HK2: variants seen among roughly 807,000 people sequenced by gnomAD.
HK2 encodes hexokinase-2.
A neutral mutation model predicts 92.9 loss-of-function variants in HK2; 42 were observed. The observed-to-expected ratio is 0.45, with a 90% confidence interval of 0.35 to 0.58. The LOEUF is 0.58. Among genes scored for constraint, HK2 ranks in the 20% least tolerant of loss-of-function variants. The probability of loss-of-function intolerance (pLI) is 0.00; values close to 1 mark genes in which losing one functional copy is unlikely to be tolerated. For missense variants in HK2, 978 were observed against 1,245.1 expected, an observed-to-expected ratio of 0.79 and a Z score of 3.23; for synonymous variants, 422 against 468.0, an observed-to-expected ratio of 0.90 and a Z score of 1.27.
At chr2:74,842,421 A>G (rs1688335372) in intron 1 of HK2, among the ~76,000 whole-genome samples, 1 of 152,232 alleles carries the variant, frequency 6.6e-6, no homozygotes, top group Admixed American at 6.5e-5. Context: ...TACGAAATGC[A>G]TTTTTGACTT....
chr2:74,887,485 A>G (rs1030198119), intron 15 of HK2, among the ~76,000 whole-genome samples: 1 of 152,080 alleles, frequency 6.6e-6, no homozygotes, highest in African/African-American at 2.4e-5. Flanking sequence ...GGTTAGGTCC[A>G]AGAGAATGTA....
intron 17 of HK2, 25 bp downstream of exon 17, chr2:74,889,503 CT>C (rs1356567650): frequency 4.8e-5 from 67 of 1,398,774 alleles, no homozygotes; most frequent in Non-Finnish European, 6.1e-5. Context: ...CCAGCCCCCC[CT>C]GCCTACCTTC....
chr2:74,834,260 G>A lies in HK2; in HGVS notation c.-321G>A, dbSNP rs1688092013. ...GAGGTCCCACTGCCCGAGTGGAGCC[G>A]GGCTGAGATTCTTCTCAAGTTGAGC... On this transcript the variant is annotated 5_prime_UTR_variant, in exon 1 of 18. Coordinates refer to ENST00000290573, the MANE Select transcript of HK2 (RefSeq NM_000189.5). This position sits in a 1 kb window ranked among gnomAD's most constrained non-coding sequence, Gnocchi z 4.2. 2 of 450,358 alleles carry A rather than the reference G, an allele frequency of 4.4e-6. No individual in the cohort carries two copies. Among genetic ancestry groups the A allele is most frequent in the South Asian group, 4.1e-5 (2 of 48,594 alleles). 27.9% of individuals were successfully genotyped at this position (450,358 alleles called of 1,614,324 possible).
intron 1 of HK2, among the ~76,000 whole-genome samples, chr2:74,838,388 C>T (rs1056602624): frequency 6.6e-6 from 1 of 150,752 alleles, no homozygotes; most frequent in Admixed American, 6.6e-5. Context: ...GGGTAGTTCG[C>T]AGTTATCTCT....
At chr2:74,876,156 A>G (rs1180923734) in intron 7 of HK2, among the ~76,000 whole-genome samples, 1 of 152,044 alleles carries the variant, frequency 6.6e-6, no homozygotes, top group Admixed American at 6.5e-5. Context: ...CATCTTCACA[A>G]TTTTGCCAGC....
At chr2:74,848,745 ATAAT>A (rs1189886679) in intron 1 of HK2, among the ~76,000 whole-genome samples, 1 of 152,214 alleles carries the variant, frequency 6.6e-6, no homozygotes, top group Non-Finnish European at 1.5e-5. Context: ...CTGGATGTAA[ATAAT>A]TTGATCAAGG....
intron 1 of HK2, among the ~76,000 whole-genome samples, chr2:74,845,360 G>A (rs1322989014): frequency 6.6e-6 from 1 of 152,192 alleles, no homozygotes; most frequent in Non-Finnish European, 1.5e-5. Context: ...CTGTGCCAGG[G>A]TCACATGCAT....
Position 74,891,030 on chromosome 2 carries a change from C to T in HK2, c.*89C>T, listed in dbSNP as rs1475192903. The T allele has an allele frequency of 8.0e-6, 12 of 1,498,636 alleles. No homozygotes were observed. The Admixed American group carries it at 2.1e-4, about 26-fold the overall frequency. 92.8% of individuals were successfully genotyped at this position (1,498,636 alleles called of 1,614,324 possible). A position where few individuals can be genotyped will look rare whatever the true frequency, so the allele number is the denominator to read the frequency against. On this transcript the variant is annotated 3_prime_UTR_variant, in exon 18 of 18. Transcript: ENST00000290573. ...GTCATCCCCTTGTGTCAGAGACAGACCCCTTGGCTTTTGCTTGGCAGAGAG... is the reference window on the plus strand; with the variant it reads ...GTCATCCCCTTGTGTCAGAGACAGATCCCTTGGCTTTTGCTTGGCAGAGAG...
At position 74,891,242 on chromosome 2, in the gene HK2, C is replaced by T; in HGVS notation, c.*301C>T. On this transcript the variant is annotated 3_prime_UTR_variant, in exon 18 of 18. Coordinates refer to ENST00000290573, the MANE Select transcript of HK2 (RefSeq NM_000189.5). ...ATCCCCCTTGCCAAATTCCATGTCC[C>T]TGTATAATTCTACAGGATGGGGACA... is the stretch of plus-strand genomic sequence containing the variant. The T allele has an allele frequency of 2.5e-6, 1 of 406,286 alleles. No homozygotes were observed. The allele number at this position is 406,286 out of a possible 1,614,324, so 25.2% of individuals were successfully genotyped here.
At chr2:74,877,399 T>A in intron 8 of HK2, 78 bp downstream of exon 8, 1 of 1,526,290 alleles carries the variant, frequency 6.6e-7, no homozygotes, top group South Asian at 1.1e-5. Context: ...AGGAGGGGGC[T>A]GTACCTTTTG....
intron 2 of HK2, among the ~76,000 whole-genome samples, chr2:74,856,144 C>T (rs780555502): frequency 3.3e-5 from 5 of 151,628 alleles, no homozygotes; most frequent in African/African-American, 4.9e-5. Context: ...TCTACAGGGG[C>T]GTTGTTGGGA....
At position 74,834,403 on chromosome 2, in the gene HK2, C is replaced by T; in HGVS notation, c.-178C>T. ...CGCCAAAATCACGTCTCCGGAGACC[C>T]GCGCCCTCCGCCAGCCGGGCGCACC... On this transcript the variant is annotated 5_prime_UTR_variant, in exon 1 of 18. Transcript: ENST00000290573. This position sits in a 1 kb window ranked among gnomAD's most constrained non-coding sequence, Gnocchi z 4.2. The T allele has an allele frequency of 1.5e-6, 1 of 672,094 alleles. No homozygotes were observed. Among genetic ancestry groups the T allele is most frequent in the South Asian group, 1.7e-5 (1 of 59,578 alleles). The allele number at this position is 672,094 out of a possible 1,614,324, so 41.6% of individuals were successfully genotyped here. A position where few individuals can be genotyped will look rare whatever the true frequency, so the allele number is the denominator to read the frequency against.
intron 1 of HK2, among the ~76,000 whole-genome samples, chr2:74,837,518 C>G (rs966901410): frequency 6.6e-6 from 1 of 152,128 alleles, no homozygotes; most frequent in Non-Finnish European, 1.5e-5. Context: ...AAGGGTGTCC[C>G]TAAAACTCTT....
intron 3 of HK2, among the ~76,000 whole-genome samples, chr2:74,869,728 T>C (rs533522690): frequency 1.9e-4 from 29 of 152,334 alleles, no homozygotes; most frequent in African/African-American, 6.5e-4. Flanking sequence ...AGGAACGTGT[T>C]AGCTCTTTCT....
intron 1 of HK2, among the ~76,000 whole-genome samples, chr2:74,836,370 A>G (rs1688165488): frequency 6.6e-6 from 1 of 152,234 alleles, no homozygotes; most frequent in African/African-American, 2.4e-5. Context: ...CCAGAGTGGA[A>G]CGGGAATTAA....
intron 2 of HK2, among the ~76,000 whole-genome samples, chr2:74,859,605 A>C (rs1369618387): frequency 1.3e-5 from 2 of 152,186 alleles, no homozygotes; most frequent in Admixed American, 1.3e-4. Flanking sequence ...AGAGCATTCC[A>C]GCCTGGGCCA....
chr2:74,838,796 C>T (rs1688235114), intron 1 of HK2, among the ~76,000 whole-genome samples: 1 of 152,120 alleles, frequency 6.6e-6, no homozygotes, highest in Non-Finnish European at 1.5e-5. Context: ...ACTCCGCCTC[C>T]CAAAGTGGTG....
At chr2:74,861,543 T>G (rs561075662) in intron 2 of HK2, among the ~76,000 whole-genome samples, 1 of 152,312 alleles carries the variant, frequency 6.6e-6, no homozygotes, top group South Asian at 2.1e-4. Flanking sequence ...TCATTCTCAC[T>G]TTAAAAATGA....
At chr2:74,864,667 C>A (rs996677095) in intron 2 of HK2, among the ~76,000 whole-genome samples, 1 of 152,084 alleles carries the variant, frequency 6.6e-6, no homozygotes, top group Non-Finnish European at 1.5e-5. Flanking sequence ...CCACCATGCC[C>A]GGCAAATTTT....
Sources: gnomAD v4.1 joint callset for allele counts (sites outside exome capture counted in the v4.1 genomes callset) on GRCh38, gnomAD v4.1.1 for gene constraint, Gnocchi (gnomAD v3.1) non-coding constraint, MANE v1.5 for transcripts, NCBI Gene and HGNC (gene_info 2026-07-23, HGNC 2026-07-21) for gene names.